The following DDX6 variants were observed in gnomAD, a reference collection of about 807,000 sequenced individuals.
The protein encoded by DDX6 is DEAD-box helicase 6, also known as probable ATP-dependent RNA helicase DDX6.
Under a neutral mutation model 60.6 loss-of-function variants are expected in DDX6, and 7 were observed. The ratio of observed to expected loss-of-function variants is 0.12; its 90% CI spans 0.07 to 0.22. DDX6 has a LOEUF of 0.22. Ranked by LOEUF, DDX6 falls within the 10% of genes least tolerant of loss-of-function variation. The pLI is 1.00. For missense variants in DDX6, 270 were observed against 589.9 expected (o/e 0.46, Z 5.62); for synonymous variants, 207 against 201.0 (o/e 1.03, Z -0.25).
At chr11:118,762,352 G>A (rs1555160426) in intron 7 of DDX6, among the ~76,000 whole-genome samples, 1 of 90 alleles carries the variant, frequency 0.011, no homozygotes, top group African/African-American at 0.05. Context: ...CATTAACAAC[G>A]CTGATCACTA....
chr11:118,761,319 G>GA (rs1450466485), intron 7 of DDX6, among the ~76,000 whole-genome samples: 13 of 151,578 alleles, frequency 8.6e-5, no homozygotes, highest in Non-Finnish European at 1.0e-4. Flanking sequence ...CCGGGATTTA[G>GA]AAAAAACTTG....
At chr11:118,760,266 CACAG>C (rs1325896777) in intron 7 of DDX6, among the ~76,000 whole-genome samples, 4 of 152,144 alleles carry the variant, frequency 2.6e-5, no homozygotes, top group Non-Finnish European at 5.9e-5. Context: ...TTCTACACTA[CACAG>C]ACAACCTCCC....
chr11:118,756,605 T>C (rs1361307745), intron 10 of DDX6, among the ~76,000 whole-genome samples: 2 of 152,136 alleles, frequency 1.3e-5, no homozygotes, highest in Non-Finnish European at 2.9e-5. Flanking sequence ...ATATTGTATC[T>C]TTTTCTAAAG....
At chr11:118,766,645 T>G (rs1555161329) in intron 5 of DDX6, among the ~76,000 whole-genome samples, 1 of 152,170 alleles carries the variant, frequency 6.6e-6, no homozygotes, top group Non-Finnish European at 1.5e-5. Flanking sequence ...CAGGCTGAAG[T>G]GCAGTGGCTG....
Position 118,757,146 on chromosome 11 carries a change from G to A in DDX6, c.1110+25C>T, listed in dbSNP as rs1024815791. The A allele has an allele frequency of 2.7e-6, 3 of 1,131,036 alleles. No homozygotes were observed. In the Admixed American group the frequency reaches 8.6e-5, roughly 32 times the overall value. The allele number at this position is 1,131,036 out of a possible 1,614,324, so 70.1% of individuals were successfully genotyped here. A position where few individuals can be genotyped will look rare whatever the true frequency, so the allele number is the denominator to read the frequency against. ...AAGAAAGAGATTTCTTATTAAATTT[G>A]TGCAAGTTCTAGTTTTATACTCACC... On this transcript the variant is annotated intron_variant, in intron 10 of 13. Coordinates refer to ENST00000534980, the MANE Select transcript of DDX6 (RefSeq NM_004397.6).
At chr11:118,765,851 A>C (rs1169153122) in intron 5 of DDX6, among the ~76,000 whole-genome samples, 1 of 152,040 alleles carries the variant, frequency 6.6e-6, no homozygotes, top group Non-Finnish European at 1.5e-5. Context: ...TTGGGAGGCC[A>C]AGGTGGGTGG....
At chr11:118,758,651 C>A in intron 9 of DDX6, 123 bp downstream of exon 9, 1 of 1,194,614 alleles carries the variant, frequency 8.4e-7, no homozygotes, top group Non-Finnish European at 1.1e-6. Flanking sequence ...AGGCATGAGC[C>A]ACCGTGCCAA....
intron 5 of DDX6, 64 bp downstream of exon 5, chr11:118,768,159 T>C: frequency 2.0e-6 from 3 of 1,486,008 alleles, no homozygotes; most frequent in Non-Finnish European, 2.8e-6. Context: ...GAGTATCTTC[T>C]ACACATGGCT....
intron 4 of DDX6, 148 bp downstream of exon 4, chr11:118,779,484 T>C: frequency 1.8e-6 from 1 of 554,878 alleles, no homozygotes; most frequent in Non-Finnish European, 3.2e-6. Flanking sequence ...AAGCCATGAT[T>C]TTCTAATTTA....
At chr11:118,791,629 C>T (rs1259969350), upstream of DDX6, 1 of 152,074 alleles carries the variant, frequency 6.6e-6, no homozygotes, top group Non-Finnish European at 1.5e-5. Flanking sequence ...CCTGACTTCT[C>T]CAGCTGGCCG....
At chr11:118,755,327 CAAAA>C in intron 12 of DDX6, 71 bp downstream of exon 12, 1 of 875,170 alleles carries the variant, frequency 1.1e-6, no homozygotes. Context: ...CTCTATTTCA[CAAAA>C]GAACAAAATT....
At chr11:118,761,177 T>C (rs924761019) in intron 7 of DDX6, among the ~76,000 whole-genome samples, 2 of 152,094 alleles carry the variant, frequency 1.3e-5, no homozygotes, top group African/African-American at 4.8e-5. Context: ...AACTGCCAGG[T>C]TGAAATCTTG....
chr11:118,762,286 A>AG (rs1861200533), intron 7 of DDX6, among the ~76,000 whole-genome samples: 1 of 129,498 alleles, frequency 7.7e-6, no homozygotes. Flanking sequence ...AAAAAAAAAA[A>AG]TAATAATAAT....
chr11:118,763,769 C>T (rs1160595077), intron 6 of DDX6, among the ~76,000 whole-genome samples: 5 of 144,454 alleles, frequency 3.5e-5, no homozygotes, highest in African/African-American at 1.3e-4. Context: ...AGGAGGCAGA[C>T]GTTGCAGTGA....
intron 13 of DDX6, 105 bp downstream of exon 13, chr11:118,754,594 TTTACCC>T (rs1412247168): frequency 1.1e-6 from 1 of 937,152 alleles, no homozygotes; most frequent in Non-Finnish European, 1.6e-6. Context: ...TAGTGGGTAT[TTTACCC>T]TTTATTGCTA....
At chr11:118,760,451 T>C (rs1395086746) in intron 7 of DDX6, among the ~76,000 whole-genome samples, 5 of 152,168 alleles carry the variant, frequency 3.3e-5, no homozygotes, top group African/African-American at 9.7e-5. Flanking sequence ...TACAGGCACA[T>C]ACCTCCATGC....
chr11:118,760,131 TC>T, intron 7 of DDX6, 87 bp from the exon 8 acceptor site: 1 of 1,212,692 alleles, frequency 8.2e-7, no homozygotes, highest in Non-Finnish European at 1.1e-6. Flanking sequence ...TAAGGCATCA[TC>T]CAACAAAAGC....
chr11:118,768,476 G>C, intron 4 of DDX6, 124 bp from the exon 5 acceptor site: 1 of 949,238 alleles, frequency 1.1e-6, no homozygotes, highest in Non-Finnish European at 1.6e-6. Context: ...TCCTACATTT[G>C]AATTCTACAT....
chr11:118,790,523 A>C (rs1467039822), intron 1 of DDX6, among the ~76,000 whole-genome samples: 1 of 152,002 alleles, frequency 6.6e-6, no homozygotes, highest in Non-Finnish European at 1.5e-5. Context: ...CCTCCAATAC[A>C]GCATGTCCCT....
Sources: allele counts gnomAD v4.1 joint callset (sites outside exome capture counted in the v4.1 genomes callset), GRCh38; gene constraint gnomAD v4.1.1; transcripts MANE v1.5; gene names NCBI Gene and HGNC (gene_info 2026-07-23, HGNC 2026-07-21).